Variants in CCDC18 observed in about 807,000 individuals in gnomAD.
The protein encoded by CCDC18 is coiled-coil domain containing 18.
In CCDC18, 157 loss-of-function variants were observed where a neutral mutation model predicts 196.0. The ratio of observed to expected loss-of-function variants is 0.80; its 90% CI spans 0.70 to 0.91. CCDC18 has a LOEUF of 0.91. CCDC18 is among the 40% of genes least tolerant of loss of function. The probability of loss-of-function intolerance (pLI) is 0.00; values close to 1 mark genes in which losing one functional copy is unlikely to be tolerated. For missense variants in CCDC18, 1,465 were observed against 1,611.6 expected (o/e 0.91, Z 1.56); for synonymous variants, 482 against 529.2 (o/e 0.91, Z 1.22).
At chr1:93,199,441 G>A (rs958122368) in intron 6 of CCDC18, among the ~76,000 whole-genome samples, 6 of 149,866 alleles carry the variant, frequency 4.0e-5, no homozygotes, top group African/African-American at 1.5e-4. Flanking sequence ...GGTACTGGAA[G>A]CTTGGAGACA....
intron 27 of CCDC18, among the ~76,000 whole-genome samples, chr1:93,269,170 G>C (rs1664937612): frequency 6.6e-6 from 1 of 150,998 alleles, no homozygotes; most frequent in African/African-American, 2.4e-5. Context: ...GCAAACTATT[G>C]CAAGGACAAA....
chr1:93,212,051 T>G (rs1655735257), intron 10 of CCDC18, 50 bp from the exon 11 acceptor site: 1 of 1,500,736 alleles, frequency 6.7e-7, no homozygotes, highest in African/African-American at 1.4e-5. Context: ...AGTATGAGTT[T>G]TTTTATAGAA....
intron 17 of CCDC18, among the ~76,000 whole-genome samples, chr1:93,230,795 G>GA (rs965073846): frequency 1.3e-5 from 2 of 151,860 alleles, no homozygotes; most frequent in East Asian, 3.9e-4. Context: ...TTCCAATAAA[G>GA]AAAAAAAGAG....
upstream of CCDC18, chr1:93,180,335 A>G: frequency 7.0e-7 from 1 of 1,422,628 alleles, no homozygotes; most frequent in Admixed American, 2.8e-5. Flanking sequence ...TTGACAGGGA[A>G]ATCTGGAGTC....
intron 28 of CCDC18, 114 bp from the exon 29 acceptor site, chr1:93,278,349 T>G (rs1665746821): frequency 2.4e-6 from 1 of 412,686 alleles, no homozygotes; most frequent in East Asian, 3.6e-5. Context: ...TTCAGTAGAC[T>G]AAATATTTCT....
chr1:93,202,825 C>G (rs1654056911), intron 7 of CCDC18, among the ~76,000 whole-genome samples: 1 of 152,168 alleles, frequency 6.6e-6, no homozygotes, highest in South Asian at 2.1e-4. Flanking sequence ...AGTATGTAAA[C>G]AAATAATTTC....
chr1:93,266,463 T>G (rs954198026), intron 27 of CCDC18, among the ~76,000 whole-genome samples: 1 of 151,856 alleles, frequency 6.6e-6, no homozygotes, highest in Non-Finnish European at 1.5e-5. Flanking sequence ...CTGAAGGAGA[T>G]AGAGACACAA....
rs193111688 is a variant in CCDC18, at chr1:93,212,664, A to G, written c.1495+403A>G. Among the ~76,000 whole-genome samples the G allele has an allele frequency of 6.3e-4, 96 of 152,328 alleles. 2 individuals are homozygous for G. The highest frequency in any genetic ancestry group is 1.4e-3 in the Admixed American group (21 of 15,298). On this transcript the variant is annotated intron_variant, in intron 11 of 28. Coordinates refer to ENST00000690025, the MANE Select transcript of CCDC18 (RefSeq NM_001378204.1). Reference sequence around the variant, plus strand: ...CTGATAAGACAGCAAAAGTTATTTCAGAATTATTAGACTTTGTATCATTCG... The same window carrying G: ...CTGATAAGACAGCAAAAGTTATTTCGGAATTATTAGACTTTGTATCATTCG...
intron 24 of CCDC18, among the ~76,000 whole-genome samples, 156 bp from the exon 25 acceptor site, chr1:93,256,179 G>A (rs1322469494): frequency 2.0e-5 from 3 of 151,892 alleles, no homozygotes; most frequent in Admixed American, 2.0e-4. Context: ...GTTTCACAGT[G>A]GGTGATACTC....
intron 28 of CCDC18, among the ~76,000 whole-genome samples, chr1:93,276,140 G>C (rs919251727): frequency 3.9e-5 from 6 of 152,226 alleles, no homozygotes; most frequent in African/African-American, 1.4e-4. Context: ...CAGTTTTAAA[G>C]TCCACTGGTA....
rs201128489 is a variant in CCDC18 at position 93,207,163 on chromosome 1, A to T, written c.974A>T (p.Lys325Ile). The T allele has an allele frequency of 1.7e-4, 267 of 1,598,492 alleles. No individual in the cohort carries two copies. Among genetic ancestry groups the T allele is most frequent in the Non-Finnish European group, 1.6e-4 (186 of 1,169,088 alleles). ...GKEKLRIMAV[K>I]NSEVMAQLTE... Reference sequence around the variant, plus strand: ...GAAAAATTAAGGATCATGGCAGTGAAAAATTCAGAAGTCATGGCACAACTA... The same window carrying T: ...GAAAAATTAAGGATCATGGCAGTGATAAATTCAGAAGTCATGGCACAACTA... The change falls in exon 9 of 29, where the codon AAA becomes ATA. Residue 325 changes from lysine to isoleucine, a missense_variant. By Grantham distance (102) the Lys-to-Ile change is moderately radical. Transcript: ENST00000690025.
At chr1:93,210,987 C>A in intron 10 of CCDC18, 61 bp downstream of exon 10, 2 of 1,535,790 alleles carry the variant, frequency 1.3e-6, no homozygotes, top group Non-Finnish European at 1.8e-6. Context: ...TAATTAAGAC[C>A]CTTAATTGGC....
chr1:93,217,751 A>G lies in CCDC18; in HGVS notation c.1844A>G (p.Lys615Arg). The change falls in exon 14 of 29, where the codon AAG becomes AGG. Residue 615 changes from lysine to arginine, a missense_variant. Physicochemically the swap from Lys to Arg is conservative, Grantham distance 26. Transcript: ENST00000690025. ...TTGTGTTTCTAGGAAAAGAATGAAA[A>G]GATAAGGAGTCTAGAAACCAATATT... ...LEQELMEKNE[K>R]IRSLETNINT... 1 of 1,599,486 alleles carries G rather than the reference A, an allele frequency of 6.3e-7. No homozygotes were observed. Among genetic ancestry groups the G allele is most frequent in the East Asian group, 2.2e-5 (1 of 44,792 alleles).
In CCDC18 at chr1:93,183,383, T is replaced by C; in HGVS notation, c.22T>C (p.Tyr8His). The C allele has an allele frequency of 1.3e-6, 2 of 1,585,556 alleles. No homozygotes were observed. The highest frequency in any genetic ancestry group is 1.7e-6 in the Non-Finnish European group (2 of 1,162,974). MESSSSD[Y>H]YNKDNEEESL... ...AGAAATGGAATCTAGTTCATCAGACTACTATAATAAAGACAATGAAGAGGA... is the reference window on the plus strand; with the variant it reads ...AGAAATGGAATCTAGTTCATCAGACCACTATAATAAAGACAATGAAGAGGA... The change falls in exon 2 of 29, where the codon TAC becomes CAC. Residue 8 changes from tyrosine to histidine, a missense_variant. Physicochemically the swap from Tyr to His is moderately conservative, Grantham distance 83 (BLOSUM62 2). Coordinates refer to ENST00000690025, the MANE Select transcript of CCDC18 (RefSeq NM_001378204.1).
At chr1:93,227,969 AAAAT>A (rs893214629) in intron 17 of CCDC18, among the ~76,000 whole-genome samples, 2 of 101,258 alleles carry the variant, frequency 2.0e-5, no homozygotes, top group African/African-American at 1.0e-4. Context: ...AAAAAAAAAA[AAAAT>A]ATATATATAT....
At chr1:93,188,690 G>A (rs1195471384) in intron 4 of CCDC18, among the ~76,000 whole-genome samples, 2 of 152,108 alleles carry the variant, frequency 1.3e-5, no homozygotes, top group African/African-American at 4.8e-5. Context: ...GTAGTTCTTA[G>A]GACCTTCCCA....
At chr1:93,262,090 A>T (rs1418075408) in intron 26 of CCDC18, 2 of 152,194 alleles carry the variant, frequency 1.3e-5, no homozygotes, top group Non-Finnish European at 1.5e-5. Context: ...TCATGAGAAC[A>T]GCTTGGGGGA....
Position 93,270,557 on chromosome 1 carries a change from G to A in CCDC18, c.4096G>A (p.Gly1366Ser). The A allele has an allele frequency of 6.5e-7, 1 of 1,550,332 alleles. No homozygotes were observed. The highest frequency in any genetic ancestry group is 8.7e-7 in the Non-Finnish European group (1 of 1,146,860). Residue 1366 changes from glycine (G) to serine (S), a missense_variant, in exon 28 of 29, where the codon GGT (glycine) becomes AGT (serine). Physicochemically the swap from Gly to Ser is moderately conservative, Grantham distance 56. Coordinates refer to ENST00000690025, the MANE Select transcript of CCDC18 (RefSeq NM_001378204.1). The stretch of plus-strand genomic sequence containing the variant: ...CAGTGATCTTACTTTCAAAATTCAT[G>A]GTGATGAAGATCTTTCTGAAGAATT... The part of the protein sequence containing the change: ...SASDLTFKIH[G>S]DEDLSEELLQ...
At chr1:93,200,991 C>T (rs1653729074) in intron 6 of CCDC18, among the ~76,000 whole-genome samples, 1 of 152,148 alleles carries the variant, frequency 6.6e-6, no homozygotes, top group East Asian at 1.9e-4. Flanking sequence ...CCTTTGTTGT[C>T]CTTACTTTCC....
Sources: allele counts gnomAD v4.1 joint callset (sites outside exome capture counted in the v4.1 genomes callset), GRCh38; gene constraint gnomAD v4.1.1; transcripts MANE v1.5; gene names NCBI Gene and HGNC (gene_info 2026-07-23, HGNC 2026-07-21).